The following SGCD variants were observed in gnomAD, a reference collection of about 807,000 sequenced individuals.
SGCD encodes the protein delta-sarcoglycan.
In SGCD, 18 loss-of-function variants were observed where a neutral mutation model predicts 36.6. That is an observed-to-expected ratio of 0.49 (90% CI 0.34 to 0.73). The LOEUF is 0.73. Among genes scored for constraint, SGCD ranks in the 30% least tolerant of loss-of-function variants. The probability of loss-of-function intolerance (pLI) is 0.01; values close to 1 mark genes in which losing one functional copy is unlikely to be tolerated. For missense variants in SGCD, 387 were observed against 346.7 expected (o/e 1.12, Z -0.92); for synonymous variants, 133 against 130.6 (o/e 1.02, Z -0.12).
chr5:156,270,496 C>T lies in SGCD; in HGVS notation c.-43-59038C>T, dbSNP rs553250393. On this transcript the variant is annotated intron_variant, in intron 3 of 9. Coordinates refer to the SGCD transcript ENST00000517913. ...TAAAATATCATATGTTATAAATGAG[C>T]TGATAGGTACCTTTAAGATTGTCTG... 3.9e-5 allele frequency among the ~76,000 whole-genome samples: 6 copies of T among 152,200 alleles called. No individual in the cohort carries two copies. The South Asian group carries it at 1.2e-3, about 32-fold the overall frequency.
At chr5:156,549,791 G>T (rs1373009276) in intron 4 of SGCD, among the ~76,000 whole-genome samples, 1 of 152,184 alleles carries the variant, frequency 6.6e-6, no homozygotes, top group Non-Finnish European at 1.5e-5. Context: ...CTACTTTATG[G>T]CTGTCTAACC....
intron 1 of SGCD, among the ~76,000 whole-genome samples, chr5:155,910,833 G>T (rs1756614733): frequency 6.6e-6 from 1 of 152,118 alleles, no homozygotes; most frequent in African/African-American, 2.4e-5. Flanking sequence ...CCAATCTTAT[G>T]ATTCATTTGC....
chr5:156,175,852 T>C (rs1259456196), intron 3 of SGCD, among the ~76,000 whole-genome samples: 1 of 132,760 alleles, frequency 7.5e-6, no homozygotes, highest in Non-Finnish European at 1.6e-5. Context: ...AATACAAAAT[T>C]ACGGTACCCT....
chr5:155,892,538 G>C lies in SGCD; in HGVS notation c.-282+22114G>C, dbSNP rs138830695. On this transcript the variant is annotated intron_variant, in intron 1 of 9. Coordinates refer to the SGCD transcript ENST00000517913. ...AGGAGGACACCTGCCCTATGTAAAA[G>C]AATGTCTGAGAATCAGCTCCAGCCA... 2.3e-4 allele frequency among the ~76,000 whole-genome samples: 34 copies of C among 148,602 alleles called. 1 individual carries two copies. The East Asian group carries it at 6.7e-3, about 29-fold the overall frequency.
intron 3 of SGCD, among the ~76,000 whole-genome samples, chr5:156,142,395 A>G (rs895911663): frequency 2.2e-4 from 33 of 152,228 alleles, no homozygotes; most frequent in African/African-American, 8.0e-4. Context: ...ATTGCTATAA[A>G]AGCATCTGAA....
chr5:156,715,991 A>G (rs1348646078), intron 7 of SGCD, among the ~76,000 whole-genome samples: 4 of 152,180 alleles, frequency 2.6e-5, no homozygotes, highest in Non-Finnish European at 5.9e-5. Flanking sequence ...GGTTTGAAGC[A>G]GGGCACTGAC....
intron 6 of SGCD, among the ~76,000 whole-genome samples, chr5:156,640,723 A>T (rs1762996347): frequency 6.6e-6 from 1 of 152,178 alleles, no homozygotes; most frequent in Non-Finnish European, 1.5e-5. Context: ...CTACATAAAT[A>T]TTTGTTGAAT....
chr5:156,242,738 T>C (rs926686206), intron 3 of SGCD, among the ~76,000 whole-genome samples: 4 of 152,184 alleles, frequency 2.6e-5, no homozygotes, highest in Admixed American at 2.0e-4. Flanking sequence ...GACTGCCCCA[T>C]GCAGGGTGCC....
chr5:156,365,704 G>A (rs180683097), intron 3 of SGCD, among the ~76,000 whole-genome samples: 20 of 151,912 alleles, frequency 1.3e-4, no homozygotes, highest in African/African-American at 4.8e-4. Flanking sequence ...ATATATGTGT[G>A]TATGTAGACA....
chr5:155,816,708 A>G, the SGCD span, among the ~76,000 whole-genome samples: 1 of 152,134 alleles, frequency 6.6e-6, no homozygotes, highest in African/African-American at 2.4e-5. Flanking sequence ...TGAACATGTG[A>G]GAGCTTATGG....
intron 1 of SGCD, among the ~76,000 whole-genome samples, chr5:156,028,376 A>C (rs1022132334): frequency 6.6e-6 from 1 of 152,196 alleles, no homozygotes; most frequent in Admixed American, 6.5e-5. Context: ...CACTTTCTAG[A>C]GTCAGACAGA....
chr5:156,262,971 A>G (rs957839793), intron 3 of SGCD, among the ~76,000 whole-genome samples: 1 of 151,866 alleles, frequency 6.6e-6, no homozygotes, highest in Non-Finnish European at 1.5e-5. Context: ...ATATATATAC[A>G]CTACAATTTA....
the SGCD span, among the ~76,000 whole-genome samples, chr5:155,775,497 G>A: frequency 6.6e-5 from 10 of 152,062 alleles, no homozygotes; most frequent in African/African-American, 2.2e-4. Context: ...TGACTCCTGC[G>A]CCCATGCTTT....
intron 7 of SGCD, among the ~76,000 whole-genome samples, chr5:156,738,102 G>A (rs1165021735): frequency 1.3e-5 from 2 of 152,214 alleles, no homozygotes; most frequent in Non-Finnish European, 2.9e-5. Context: ...AGTTGCATGG[G>A]TCATTAGATG....
At chr5:156,538,532 A>T (rs1178390014) in intron 4 of SGCD, among the ~76,000 whole-genome samples, 2 of 152,090 alleles carry the variant, frequency 1.3e-5, no homozygotes, top group Non-Finnish European at 2.9e-5. Context: ...TATACAGAGC[A>T]GGTATTTAGC....
intron 4 of SGCD, among the ~76,000 whole-genome samples, chr5:156,553,124 C>G (rs969761354): frequency 6.6e-6 from 1 of 152,138 alleles, no homozygotes; most frequent in South Asian, 2.1e-4. Flanking sequence ...ATTCCAGGCT[C>G]TTTCTAACAA....
intron 1 of SGCD, among the ~76,000 whole-genome samples, chr5:155,950,416 CGAG>C (rs2113428982): frequency 6.6e-6 from 1 of 152,246 alleles, no homozygotes; most frequent in Admixed American, 6.5e-5. Flanking sequence ...ATGTCTACGG[CGAG>C]GAGAAGGAAT....
At chr5:155,870,619 T>G (rs1348701170) in intron 1 of SGCD, among the ~76,000 whole-genome samples, 5 of 152,222 alleles carry the variant, frequency 3.3e-5, no homozygotes, top group Admixed American at 2.6e-4. Flanking sequence ...AATATTCTGA[T>G]GATTGTATTC....
rs188946745 is a variant in SGCD, at chr5:156,579,484, G to A, written c.295-9747G>A. Among the ~76,000 whole-genome samples, 431 of 152,168 alleles carry A rather than the reference G, an allele frequency of 2.8e-3. 2 individuals carry two copies. Among genetic ancestry groups the A allele is most frequent in the Middle Eastern group, 0.01 (3 of 294 alleles). ...GATATCATTGTTAACCTTCTGTCTC[G>A]TTGATCTGTCTAATATTGACAGTGG... On this transcript the variant is annotated intron_variant, in intron 4 of 8. Coordinates refer to ENST00000337851, the MANE Select transcript of SGCD (RefSeq NM_000337.6).
Sources: gnomAD v4.1 joint callset for allele counts (sites outside exome capture counted in the v4.1 genomes callset) on GRCh38, gnomAD v4.1.1 for gene constraint, MANE v1.5 for transcripts, NCBI Gene and HGNC (gene_info 2026-07-23, HGNC 2026-07-21) for gene names.